CACNA1E: variants seen among roughly 807,000 people sequenced by gnomAD.
CACNA1E encodes the protein voltage-dependent R-type calcium channel subunit alpha-1E.
Under a neutral mutation model 259.2 loss-of-function variants are expected in CACNA1E, and 40 were observed. That is an observed-to-expected ratio of 0.15 (90% CI 0.12 to 0.20). CACNA1E has a LOEUF of 0.20. CACNA1E is among the 10% of genes least tolerant of loss of function. The pLI is 1.00. For missense variants in CACNA1E, 1,874 were observed against 3,040.1 expected (o/e 0.62, Z 9.02); for synonymous variants, 1,104 against 1,138.5 (o/e 0.97, Z 0.61).
chr1:181,498,076 C>CT (rs1174423023), intron 1 of CACNA1E, among the ~76,000 whole-genome samples: 2 of 152,114 alleles, frequency 1.3e-5, no homozygotes, highest in South Asian at 2.1e-4. Flanking sequence ...AGTCCATTTT[C>CT]TTTTTTCCGG....
chr1:181,740,200 A>G (rs1193764934), intron 25 of CACNA1E, among the ~76,000 whole-genome samples: 1 of 152,170 alleles, frequency 6.6e-6, no homozygotes, highest in African/African-American at 2.4e-5. Flanking sequence ...AGGCTAAGCA[A>G]GGCTAGCTAC....
chr1:181,536,550 C>A (rs1668184317), intron 3 of CACNA1E, among the ~76,000 whole-genome samples: 1 of 152,082 alleles, frequency 6.6e-6, no homozygotes, highest in Middle Eastern at 3.2e-3. Context: ...AGTATAAGTT[C>A]TTTGATTGTT....
chr1:181,505,539 C>T (rs4652660), intron 1 of CACNA1E, among the ~76,000 whole-genome samples: 21,448 of 151,968 alleles, frequency 0.14, 1,615 homozygotes, highest in Non-Finnish European at 0.17. Flanking sequence ...GCCTGGCTAA[C>T]ATTTTGTATT....
In CACNA1E at chr1:181,803,567, C is replaced by A. The variant is rs1476914111; in HGVS notation, c.*4733C>A. ...CAAATAGAGCAGCAGCTGATGGCTT[C>A]TCTGCTGTCTGTGGAGGGAGGGCTC... On this transcript the variant is annotated 3_prime_UTR_variant, in exon 48 of 48. Coordinates refer to ENST00000367573, the MANE Select transcript of CACNA1E (RefSeq NM_001205293.3). 6.6e-6 allele frequency: 1 copy of A among 152,214 alleles called. No homozygotes were observed. Among genetic ancestry groups the A allele is most frequent in the East Asian group, 1.9e-4 (1 of 5,196 alleles). 9.4% of individuals were successfully genotyped at this position (152,214 alleles called of 1,614,324 possible). A position where few individuals can be genotyped will look rare whatever the true frequency, so the allele number is the denominator to read the frequency against.
chr1:181,423,158 A>G (rs1225397003), intron 2 of CACNA1E, among the ~76,000 whole-genome samples: 1 of 152,144 alleles, frequency 6.6e-6, no homozygotes, highest in East Asian at 1.9e-4. Context: ...CAGATCAAGA[A>G]GTCATTATCT....
chr1:181,409,935 G>A (rs1418310949), intron 1 of CACNA1E, among the ~76,000 whole-genome samples: 1 of 152,194 alleles, frequency 6.6e-6, no homozygotes, highest in Non-Finnish European at 1.5e-5. Flanking sequence ...CATGTAAGGA[G>A]AGAGGGTGGG....
intron 37 of CACNA1E, among the ~76,000 whole-genome samples, chr1:181,775,672 C>T (rs545440289): frequency 2.0e-5 from 3 of 152,050 alleles, no homozygotes; most frequent in Non-Finnish European, 4.4e-5. Flanking sequence ...GGAAAGAAAA[C>T]AAAAGATGAA....
chr1:181,516,353 A>ACT (rs1340970496), intron 3 of CACNA1E, among the ~76,000 whole-genome samples: 1 of 150,848 alleles, frequency 6.6e-6, no homozygotes, highest in Non-Finnish European at 1.5e-5. Flanking sequence ...CCACACACAC[A>ACT]CACACACACA....
intron 6 of CACNA1E, among the ~76,000 whole-genome samples, chr1:181,620,280 G>A (rs1469110737): frequency 6.6e-6 from 1 of 152,130 alleles, no homozygotes; most frequent in African/African-American, 2.4e-5. Flanking sequence ...GCAGCCTTGG[G>A]TGTTGAGTCA....
intron 2 of CACNA1E, among the ~76,000 whole-genome samples, chr1:181,414,742 GAAGTT>G (rs1222314937): frequency 6.6e-6 from 1 of 152,244 alleles, no homozygotes; most frequent in Admixed American, 6.5e-5. Context: ...GAGGCACAGA[GAAGTT>G]AAGTGACTTT....
chr1:181,327,248 C>T (rs938486604), intron 1 of CACNA1E, among the ~76,000 whole-genome samples: 1 of 152,184 alleles, frequency 6.6e-6, no homozygotes, highest in Non-Finnish European at 1.5e-5. Context: ...AGTACAATCT[C>T]CCCTATGATG....
In CACNA1E at chr1:181,484,045, C is replaced by G. The variant is rs1663556322; in HGVS notation, c.266+35C>G. The G allele has an allele frequency of 8.8e-6, 14 of 1,596,736 alleles. 1 individual carries two copies. The East Asian group carries it at 1.6e-4, about 18-fold the overall frequency. On this transcript the variant is annotated intron_variant, in intron 1 of 47. Transcript: ENST00000367573. ...CTTGCCCACCATAACTCCCTCTCCC[C>G]CTTTGCATTTCTTCGGGTGAAGGGG... is the stretch of plus-strand genomic sequence containing the variant.
chr1:181,491,514 A>G (rs1405161821), intron 1 of CACNA1E, among the ~76,000 whole-genome samples: 1 of 152,212 alleles, frequency 6.6e-6, no homozygotes, highest in East Asian at 1.9e-4. Flanking sequence ...CTGCCTGGCA[A>G]TGCCTTTCTA....
chr1:181,319,289 G>T (rs1374614597), intron 1 of CACNA1E, among the ~76,000 whole-genome samples: 1 of 152,220 alleles, frequency 6.6e-6, no homozygotes, highest in African/African-American at 2.4e-5. Context: ...GTGTTTTCCT[G>T]CAAGGAAAGG....
chr1:181,765,386 C>T (rs1658931645), intron 34 of CACNA1E, among the ~76,000 whole-genome samples: 1 of 152,172 alleles, frequency 6.6e-6, no homozygotes, highest in Non-Finnish European at 1.5e-5. Context: ...ACTGCAGGCA[C>T]AAGAAACCCT....
intron 3 of CACNA1E, among the ~76,000 whole-genome samples, chr1:181,565,983 AT>A (rs1319722395): frequency 2.0e-5 from 3 of 152,134 alleles, no homozygotes; most frequent in Non-Finnish European, 4.4e-5. Flanking sequence ...TATGTAGATG[AT>A]TTCTTATAAT....
intron 2 of CACNA1E, among the ~76,000 whole-genome samples, chr1:181,418,652 G>A (rs114545065): frequency 1.4e-3 from 219 of 152,120 alleles, no homozygotes; most frequent in Non-Finnish European, 2.5e-3. Context: ...TTCTCTTGTA[G>A]TTTTCTCTTT....
At chr1:181,358,308 T>C (rs1379188472) in intron 1 of CACNA1E, among the ~76,000 whole-genome samples, 1 of 152,180 alleles carries the variant, frequency 6.6e-6, no homozygotes, top group East Asian at 1.9e-4. Flanking sequence ...TCAGGACCTT[T>C]TTCTGGAGAC....
rs1662586108 is a variant in CACNA1E, at chr1:181,805,817, CAT to C, written c.*6984_*6985del. On this transcript the variant is annotated 3_prime_UTR_variant, in exon 48 of 48. Transcript: ENST00000367573. ...TGGAGGAGAAAAGCCTAATGCACCA[CAT>C]GTGTTTGGCATTTCATGGCTGGGAC... is the stretch of plus-strand genomic sequence containing the variant. The C allele has an allele frequency of 6.6e-6, 1 of 152,228 alleles. No individual in the cohort carries two copies. The highest frequency in any genetic ancestry group is 2.4e-5 in the African/African-American group (1 of 41,448). 9.4% of individuals were successfully genotyped at this position (152,228 alleles called of 1,614,324 possible).
Sources: allele counts gnomAD v4.1 joint callset (sites outside exome capture counted in the v4.1 genomes callset), GRCh38; gene constraint gnomAD v4.1.1; transcripts MANE v1.5; gene names NCBI Gene and HGNC (gene_info 2026-07-23, HGNC 2026-07-21).